Variants in FBXO4 observed in about 807,000 individuals in gnomAD.
FBXO4 encodes F-box only protein 4.
Under a neutral mutation model 43.7 loss-of-function variants are expected in FBXO4, and 36 were observed. That is an observed-to-expected ratio of 0.82 (90% confidence interval 0.63 to 1.09). FBXO4 has a LOEUF of 1.09. Among genes scored for constraint, FBXO4 ranks in the 50% least tolerant of loss-of-function variants. FBXO4 has a pLI of 0.00. For synonymous variants in FBXO4, 180 were observed against 165.6 expected, an observed-to-expected ratio of 1.09 and a Z score of -0.67; for missense variants, 435 against 474.1, an observed-to-expected ratio of 0.92 and a Z score of 0.77.
intron 1 of FBXO4, among the ~76,000 whole-genome samples, chr5:41,926,075 CTT>C (rs529367186): frequency 4.3e-4 from 65 of 152,106 alleles, no homozygotes; most frequent in Non-Finnish European, 7.8e-4. Context: ...ACACACATAA[CTT>C]ATTGTTAAAC....
In FBXO4 at chr5:41,941,534, C is replaced by G. The variant is rs1752005519; in HGVS notation, c.*253C>G. The G allele has an allele frequency of 4.2e-6, 1 of 240,122 alleles. No homozygotes were observed. The highest frequency in any genetic ancestry group is 8.1e-6 in the Non-Finnish European group (1 of 123,548). The allele number at this position is 240,122 out of a possible 1,614,324, so 14.9% of individuals were successfully genotyped here. The stretch of plus-strand genomic sequence containing the variant: ...ATTTTTTTGGTAATTTTTATATTTT[C>G]TGTCTTTTTAAAAATATTAAATTCT... On this transcript the variant is annotated 3_prime_UTR_variant, in exon 7 of 7. Coordinates refer to ENST00000281623, the MANE Select transcript of FBXO4 (RefSeq NM_012176.3).
intron 3 of FBXO4, 199 bp downstream of exon 3, chr5:41,930,116 T>G (rs1039382890): frequency 5.5e-6 from 3 of 542,230 alleles, no homozygotes; most frequent in Non-Finnish European, 9.7e-6. Context: ...ATTCCTCAAA[T>G]TTGTACAATC....
the FBXO4 span, among the ~76,000 whole-genome samples, chr5:41,957,930 A>T: frequency 1.3e-5 from 2 of 152,212 alleles, no homozygotes; most frequent in South Asian, 2.1e-4. Flanking sequence ...TCCATAATTT[A>T]GTTGGGTCTG....
chr5:42,028,349 T>A, the FBXO4 span, among the ~76,000 whole-genome samples: 4 of 151,960 alleles, frequency 2.6e-5, no homozygotes, highest in Non-Finnish European at 5.9e-5. Flanking sequence ...ACTTCTGCTC[T>A]TTTTTGGTTT....
intron 5 of FBXO4, among the ~76,000 whole-genome samples, chr5:41,938,615 G>A (rs1370321025): frequency 1.3e-5 from 2 of 152,160 alleles, no homozygotes; most frequent in Non-Finnish European, 1.5e-5. Context: ...TATGTCAGAA[G>A]TCTGGAAATG....
At chr5:41,981,421 A>G in the FBXO4 span, among the ~76,000 whole-genome samples, 1 of 151,636 alleles carries the variant, frequency 6.6e-6, no homozygotes, top group Non-Finnish European at 1.5e-5. Context: ...AAACCTTCCA[A>G]CAGTCCAAAA....
chr5:41,954,173 G>A, the FBXO4 span, among the ~76,000 whole-genome samples: 6 of 151,976 alleles, frequency 3.9e-5, no homozygotes, highest in East Asian at 1.2e-3. Flanking sequence ...GAATACTACA[G>A]AGGAAGAAAT....
chr5:41,960,160 G>A, the FBXO4 span, among the ~76,000 whole-genome samples: 1 of 151,698 alleles, frequency 6.6e-6, no homozygotes, highest in Non-Finnish European at 1.5e-5. Flanking sequence ...TTTATTTACA[G>A]CTTTTTGTTA....
chr5:41,942,319 G>A (rs149003848), downstream of FBXO4, among the ~76,000 whole-genome samples: 307 of 151,996 alleles, frequency 2.0e-3, 1 homozygote, highest in Non-Finnish European at 2.5e-3. Context: ...TTACTATGGT[G>A]AGGCATTATT....
At chr5:41,968,885 G>A in the FBXO4 span, among the ~76,000 whole-genome samples, 5 of 152,014 alleles carry the variant, frequency 3.3e-5, no homozygotes, top group African/African-American at 9.6e-5. Flanking sequence ...TCAGTTCATG[G>A]TATTCTTACA....
chr5:41,992,638 G>C, the FBXO4 span, among the ~76,000 whole-genome samples: 1 of 152,172 alleles, frequency 6.6e-6, no homozygotes, highest in African/African-American at 2.4e-5. Flanking sequence ...TTTACACGAA[G>C]AAATTAATTA....
At chr5:41,966,655 C>T in the FBXO4 span, among the ~76,000 whole-genome samples, 3 of 152,104 alleles carry the variant, frequency 2.0e-5, no homozygotes, top group African/African-American at 4.8e-5. Context: ...GGTTACCAAT[C>T]GATACGTATA....
the FBXO4 span, chr5:41,963,819 C>A: frequency 6.6e-6 from 1 of 152,068 alleles, no homozygotes; most frequent in African/African-American, 2.4e-5. Context: ...GCAGTTTAAA[C>A]CTACATGGTT....
chr5:41,992,018 C>T, the FBXO4 span, among the ~76,000 whole-genome samples: 2 of 152,114 alleles, frequency 1.3e-5, no homozygotes, highest in South Asian at 2.1e-4. Flanking sequence ...GCAGAGGTTG[C>T]GGTGAGCCGA....
chr5:41,980,783 T>G, the FBXO4 span, among the ~76,000 whole-genome samples: 130 of 152,130 alleles, frequency 8.5e-4, no homozygotes, highest in African/African-American at 2.9e-3. Flanking sequence ...ATTTTTTTTT[T>G]GTTTCTTTTA....
chr5:41,977,073 T>A, the FBXO4 span, among the ~76,000 whole-genome samples: 1 of 152,194 alleles, frequency 6.6e-6, no homozygotes, highest in African/African-American at 2.4e-5. Flanking sequence ...GGGAGCAGTG[T>A]TCTGAGACTG....
At chr5:42,021,903 C>G in the FBXO4 span, among the ~76,000 whole-genome samples, 1 of 152,104 alleles carries the variant, frequency 6.6e-6, no homozygotes, top group Non-Finnish European at 1.5e-5. Context: ...AGTATATTTA[C>G]TTCACACTTT....
chr5:41,928,303 A>G (rs893887048), intron 2 of FBXO4, among the ~76,000 whole-genome samples: 1 of 151,844 alleles, frequency 6.6e-6, no homozygotes, highest in Non-Finnish European at 1.5e-5. Flanking sequence ...TAAAGTACTT[A>G]TCATTTTTAC....
chr5:42,029,583 C>T, the FBXO4 span, among the ~76,000 whole-genome samples: 12 of 151,892 alleles, frequency 7.9e-5, no homozygotes, highest in Non-Finnish European at 1.0e-4. Flanking sequence ...TCAGATTTGC[C>T]ATCTTGAGGC....
Sources: allele counts gnomAD v4.1 joint callset (sites outside exome capture counted in the v4.1 genomes callset), GRCh38; gene constraint gnomAD v4.1.1; transcripts MANE v1.5; gene names NCBI Gene and HGNC (gene_info 2026-07-23, HGNC 2026-07-21).